Variants in CAPN2 observed in about 807,000 individuals in gnomAD.
CAPN2 encodes calpain 2.
Under a neutral mutation model 102.3 loss-of-function variants are expected in CAPN2, and 92 were observed. That is an observed-to-expected ratio of 0.90 (90% CI 0.76 to 1.07). The LOEUF (loss-of-function observed/expected upper bound fraction) is 1.07, where lower values mean the gene tolerates loss of function less well. CAPN2 is among the 50% of genes least tolerant of loss of function. CAPN2 has a pLI of 0.00. For synonymous variants in CAPN2, 340 were observed against 355.4 expected (o/e 0.96, Z 0.49); for missense variants, 800 against 909.4 (o/e 0.88, Z 1.55).
Position 223,755,784 on chromosome 1 carries a change from C to T in CAPN2, c.1305+135C>T. The T allele has an allele frequency of 3.4e-6, 3 of 876,538 alleles. No individual in the cohort carries two copies. Among genetic ancestry groups the T allele is most frequent in the Non-Finnish European group, 5.1e-6 (3 of 593,556 alleles). The allele number at this position is 876,538 out of a possible 1,614,324, so 54.3% of individuals were successfully genotyped here. On this transcript the variant is annotated intron_variant, in intron 10 of 20. Transcript: ENST00000295006. The surrounding 1 kb of genome is among the most constrained non-coding windows in gnomAD (Gnocchi z 4.1). The stretch of plus-strand genomic sequence containing the variant: ...CTTGGCCAAGGAAAAACAAAACTAC[C>T]AGCCTGGCCAGGCTCAGGAGTAGCC...
chr1:223,763,422 C>T (rs539621720), intron 14 of CAPN2, among the ~76,000 whole-genome samples: 1 of 152,320 alleles, frequency 6.6e-6, no homozygotes, highest in South Asian at 2.1e-4. Context: ...GAATCCCACA[C>T]ATACACACCC....
At chr1:223,768,466 G>C (rs1403175615) in intron 16 of CAPN2, among the ~76,000 whole-genome samples, 2 of 152,132 alleles carry the variant, frequency 1.3e-5, no homozygotes, top group South Asian at 4.2e-4. Flanking sequence ...CCCATTGCTT[G>C]TTTTTCTCAG....
At chr1:223,752,373 T>C (rs568895657) in intron 8 of CAPN2, among the ~76,000 whole-genome samples, 170 of 152,128 alleles carry the variant, frequency 1.1e-3, no homozygotes, top group Non-Finnish European at 1.8e-3. Flanking sequence ...GGGGCCTTTC[T>C]CCCCCAGGTT....
rs984322797 is a variant in CAPN2 at position 223,754,751 on chromosome 1, C to T, written c.1136-729C>T. Among the ~76,000 whole-genome samples the T allele has an allele frequency of 3.9e-5, 6 of 152,176 alleles. No homozygotes were observed. The highest frequency in any genetic ancestry group is 2.1e-4 in the South Asian group (1 of 4,832). On this transcript the variant is annotated intron_variant, in intron 9 of 20. Coordinates refer to ENST00000295006, the MANE Select transcript of CAPN2 (RefSeq NM_001748.5). The surrounding 1 kb of genome is among the most constrained non-coding windows in gnomAD (Gnocchi z 4.7). Reference sequence around the variant, plus strand: ...GGAATAGGCCTGAGAGGACAAGGGACGCAGAACAAGAAAGAGTCTGGAATT... The same window carrying T: ...GGAATAGGCCTGAGAGGACAAGGGATGCAGAACAAGAAAGAGTCTGGAATT...
rs1029643250 is a variant in CAPN2, at chr1:223,726,327, G to T, written c.307+8496G>T. ...AAGAGGGTGGGTTTGCCTGCGCCTG[G>T]GGGGAGGGCAGCCATCAGGAAGGAG... On this transcript the variant is annotated intron_variant, in intron 2 of 20. Transcript: ENST00000295006. This position sits in a 1 kb window ranked among gnomAD's most constrained non-coding sequence, Gnocchi z 4.4. Among the ~76,000 whole-genome samples, 2 of 152,146 alleles carry T rather than the reference G, an allele frequency of 1.3e-5. No individual in the cohort carries two copies. The highest frequency in any genetic ancestry group is 1.9e-4 in the East Asian group (1 of 5,200).
chr1:223,766,294 C>G, intron 15 of CAPN2, 73 bp from the exon 16 acceptor site: 1 of 1,103,860 alleles, frequency 9.1e-7, no homozygotes, highest in Non-Finnish European at 1.4e-6. Context: ...AAGAATATCT[C>G]CATGATTGTG....
In CAPN2 at chr1:223,720,315, C is replaced by CTCTTTTT. The variant is rs564518898; in HGVS notation, c.307+2485_307+2486insCTTTTTT. 0.014 allele frequency among the ~76,000 whole-genome samples: 1,556 copies of CTCTTTTT among 107,484 alleles called. 124 individuals are homozygous for CTCTTTTT. The East Asian group carries it at 0.15, about 11-fold the overall frequency. 70.5% of individuals were successfully genotyped at this position (107,484 alleles called of 152,430 possible). A position where few individuals can be genotyped will look rare whatever the true frequency, so the allele number is the denominator to read the frequency against. Reference sequence around the variant, plus strand: ...TCATCCTTATTTTCTCTCTTTCTCTCTTTTTTTTTTTTTTTTTTTGACAGG... The same window carrying CTCTTTTT: ...TCATCCTTATTTTCTCTCTTTCTCTCTCTTTTTTTTTTTTTTTTTTTTTTTTGACAGG... On this transcript the variant is annotated intron_variant, in intron 2 of 20. Transcript: ENST00000295006.
chr1:223,743,975 G>A lies in CAPN2; in HGVS notation c.308-125G>A, dbSNP rs1245684010. 2.5e-5 allele frequency: 18 copies of A among 709,726 alleles called. No individual in the cohort carries two copies. In the East Asian group the frequency reaches 4.4e-4, roughly 17 times the overall value. The allele number at this position is 709,726 out of a possible 1,614,324, so 44.0% of individuals were successfully genotyped here. On this transcript the variant is annotated intron_variant, in intron 2 of 20. Coordinates refer to ENST00000295006, the MANE Select transcript of CAPN2 (RefSeq NM_001748.5). ...CCAACCCTCATATGGGGGACTGCCTGAAACTTCACTCTGTCTATTCACAGG... is the reference window on the plus strand; with the variant it reads ...CCAACCCTCATATGGGGGACTGCCTAAAACTTCACTCTGTCTATTCACAGG...
At chr1:223,757,806 T>C (rs905407066) in intron 11 of CAPN2, 1 of 203,234 alleles carries the variant, frequency 4.9e-6, no homozygotes, top group Admixed American at 5.9e-5. Flanking sequence ...CTGTGTGACC[T>C]TGGACACGTT....
intron 12 of CAPN2, 46 bp from the exon 13 acceptor site, chr1:223,761,535 G>GC (rs747694874): frequency 1.4e-6 from 2 of 1,472,664 alleles, no homozygotes; most frequent in East Asian, 5.1e-5. Context: ...CTTCCTTTTT[G>GC]CCCTCGCCTG....
chr1:223,741,435 A>AT lies in CAPN2; in HGVS notation c.308-2665_308-2664insT, dbSNP rs1382515776. Among the ~76,000 whole-genome samples the AT allele has an allele frequency of 8.5e-3, 343 of 40,478 alleles. 2 individuals carry two copies. The highest frequency in any genetic ancestry group is 0.035 in the African/African-American group (225 of 6,350). The allele number at this position is 40,478 out of a possible 152,430, so 26.6% of individuals were successfully genotyped here. ...GGCTGTAAAATGTATATATATATATAATGTGTATATATATATATATATATA... is the reference window on the plus strand; with the variant it reads ...GGCTGTAAAATGTATATATATATATATATGTGTATATATATATATATATATA... On this transcript the variant is annotated intron_variant, in intron 2 of 20. Coordinates refer to ENST00000295006, the MANE Select transcript of CAPN2 (RefSeq NM_001748.5).
chr1:223,743,962 T>C, intron 2 of CAPN2, 138 bp from the exon 3 acceptor site: 1 of 683,032 alleles, frequency 1.5e-6, no homozygotes, highest in Non-Finnish European at 2.7e-6. Flanking sequence ...AACCCTCATA[T>C]GGGGGACTGC....
intron 4 of CAPN2, among the ~76,000 whole-genome samples, chr1:223,746,635 G>A (rs1660757118): frequency 6.6e-6 from 1 of 151,874 alleles, no homozygotes; most frequent in East Asian, 1.9e-4. Flanking sequence ...GCACCACCAT[G>A]CCCAGCTAAT....
chr1:223,740,616 C>G (rs548953582), intron 2 of CAPN2, among the ~76,000 whole-genome samples: 12 of 152,318 alleles, frequency 7.9e-5, no homozygotes, highest in Admixed American at 3.9e-4. Context: ...CTAATGCTTG[C>G]TTGGACCAGT....
intron 9 of CAPN2, among the ~76,000 whole-genome samples, chr1:223,753,882 A>G (rs1022634569): frequency 1.3e-5 from 2 of 152,340 alleles, no homozygotes; most frequent in African/African-American, 4.8e-5. Context: ...TATGTTATGT[A>G]TATACAAATA....
chr1:223,734,064 GA>G (rs1234771071), intron 2 of CAPN2, among the ~76,000 whole-genome samples: 2 of 152,134 alleles, frequency 1.3e-5, no homozygotes, highest in African/African-American at 4.8e-5. Flanking sequence ...TATGTGAGGA[GA>G]AAAGCAGGGA....
intron 2 of CAPN2, among the ~76,000 whole-genome samples, chr1:223,722,119 C>T (rs747001000): frequency 6.6e-6 from 1 of 151,912 alleles, no homozygotes; most frequent in Non-Finnish European, 1.5e-5. Context: ...AAACTTGTGG[C>T]CTGTGTTTGG....
In CAPN2 at chr1:223,775,096, G is replaced by A. The variant is rs28370176; in HGVS notation, c.*239G>A. 187 of 524,864 alleles carry A rather than the reference G, an allele frequency of 3.6e-4. No individual in the cohort carries two copies. In the South Asian group the frequency reaches 5.0e-3, roughly 14 times the overall value. The allele number at this position is 524,864 out of a possible 1,614,324, so 32.5% of individuals were successfully genotyped here. A position where few individuals can be genotyped will look rare whatever the true frequency, so the allele number is the denominator to read the frequency against. ...AATGAGTCGCTTAACCCTTGACAAG[G>A]TCAAAGAAAGCTTTAAATCTGTAAA... On this transcript the variant is annotated 3_prime_UTR_variant, in exon 21 of 21. Coordinates refer to ENST00000295006, the MANE Select transcript of CAPN2 (RefSeq NM_001748.5).
At chr1:223,719,033 A>G (rs1400266242) in intron 2 of CAPN2, among the ~76,000 whole-genome samples, 1 of 152,216 alleles carries the variant, frequency 6.6e-6, no homozygotes, top group Non-Finnish European at 1.5e-5. Flanking sequence ...GCTGGGCGGG[A>G]AAGTTTGTCT....
Sources: allele counts gnomAD v4.1 joint callset (sites outside exome capture counted in the v4.1 genomes callset), GRCh38; gene constraint gnomAD v4.1.1; non-coding constraint Gnocchi (gnomAD v3.1); transcripts MANE v1.5; gene names NCBI Gene and HGNC (gene_info 2026-07-23, HGNC 2026-07-21).